COL25A1: variants seen among roughly 807,000 people sequenced by gnomAD.
COL25A1 encodes the protein collagen type XXV alpha 1 chain, also known as collagen alpha-1(XXV) chain.
In COL25A1, 103 loss-of-function variants were observed where a neutral mutation model predicts 128.4. The ratio of observed to expected loss-of-function variants is 0.80; its 90% confidence interval spans 0.68 to 0.94. The LOEUF (loss-of-function observed/expected upper bound fraction) is 0.94, where lower values mean the gene tolerates loss of function less well. COL25A1 is among the 40% of genes least tolerant of loss of function. COL25A1 has a pLI of 0.00. For missense variants in COL25A1, 745 were observed against 840.0 expected (o/e 0.89, Z 1.40); for synonymous variants, 279 against 277.2 (o/e 1.01, Z -0.06).
rs959102743 is a variant in COL25A1, at chr4:108,876,051, G to T, written c.1021-6901C>A. 2.0e-5 allele frequency among the ~76,000 whole-genome samples: 3 copies of T among 152,164 alleles called. No individual in the cohort carries two copies. The East Asian group carries it at 5.8e-4, about 29-fold the overall frequency. On this transcript the variant is annotated intron_variant, in intron 19 of 37. Transcript: ENST00000399132. ...CACAGGGCGGGGAACACCACACACCGGGGCCTGTCAGCGGGTGGAGGGCTG... is the reference window on the plus strand; with the variant it reads ...CACAGGGCGGGGAACACCACACACCTGGGCCTGTCAGCGGGTGGAGGGCTG...
At chr4:109,000,743 C>CAAAAAAAAAAAAAAAAAAAAAAAAAAAA (rs1180104512) in intron 6 of COL25A1, among the ~76,000 whole-genome samples, 1 of 36,428 alleles carries the variant, frequency 2.7e-5, no homozygotes, top group African/African-American at 1.7e-4. Flanking sequence ...GAGACTCTGT[C>CAAAAAAAAAAAAAAAAAAAAAAAAAAAA]AAAAAAAAAA....
chr4:109,049,223 T>C (rs1048711049), intron 4 of COL25A1, among the ~76,000 whole-genome samples: 15 of 152,160 alleles, frequency 9.9e-5, no homozygotes, highest in Admixed American at 8.5e-4. Context: ...TATTGAAAAA[T>C]ACTTAGAGAA....
At chr4:108,969,705 T>A (rs2125983462) in intron 8 of COL25A1, among the ~76,000 whole-genome samples, 1 of 152,242 alleles carries the variant, frequency 6.6e-6, no homozygotes, top group East Asian at 1.9e-4. Flanking sequence ...TTGCCTCCAA[T>A]GATACCTGAT....
At chr4:108,934,281 C>A (rs1000039500) in intron 11 of COL25A1, among the ~76,000 whole-genome samples, 7 of 124,572 alleles carry the variant, frequency 5.6e-5, no homozygotes, top group Non-Finnish European at 7.9e-5. Flanking sequence ...GGGAATTGAA[C>A]AATGAGATCA....
chr4:108,890,420 G>GA (rs1741348852), intron 16 of COL25A1, among the ~76,000 whole-genome samples: 1 of 152,130 alleles, frequency 6.6e-6, no homozygotes, highest in Non-Finnish European at 1.5e-5. Flanking sequence ...TTGAGAATCT[G>GA]TTTTTTTATA....
At chr4:109,139,088 CAT>C (rs894761668) in intron 3 of COL25A1, among the ~76,000 whole-genome samples, 2 of 152,060 alleles carry the variant, frequency 1.3e-5, no homozygotes, top group African/African-American at 2.4e-5. Context: ...AGCTTTTTTT[CAT>C]ATGTCTGTTG....
rs190796837 is a variant in COL25A1 at position 108,954,830 on chromosome 4, A to G, written c.493-13393T>C. Among the ~76,000 whole-genome samples, 71 of 152,198 alleles carry G rather than the reference A, an allele frequency of 4.7e-4. 1 individual carries two copies. Among genetic ancestry groups the G allele is most frequent in the African/African-American group, 1.7e-3 (69 of 41,588 alleles). On this transcript the variant is annotated intron_variant, in intron 8 of 37. Coordinates refer to ENST00000399132, the MANE Select transcript of COL25A1 (RefSeq NM_198721.4). ...TAAAAGAGAAAAAAAGGGAATGACA[A>G]TGCTCTGGGTTTGAAACCATAACTA...
chr4:109,020,727 T>C (rs1315733991), intron 5 of COL25A1, among the ~76,000 whole-genome samples: 1 of 152,196 alleles, frequency 6.6e-6, no homozygotes. Flanking sequence ...GGAACATAAG[T>C]AAAAAATTTT....
intron 8 of COL25A1, among the ~76,000 whole-genome samples, chr4:108,964,947 A>T (rs545481527): frequency 6.6e-6 from 1 of 152,318 alleles, no homozygotes; most frequent in East Asian, 1.9e-4. Flanking sequence ...TTCTCAGGCA[A>T]TACATTCAGT....
chr4:109,152,655 T>C (rs1295287253), intron 3 of COL25A1, among the ~76,000 whole-genome samples: 1 of 152,156 alleles, frequency 6.6e-6, no homozygotes, highest in African/African-American at 2.4e-5. Context: ...CCAAATGTGG[T>C]ATATACGTAC....
intron 25 of COL25A1, 75 bp from the exon 26 acceptor site, chr4:108,852,355 T>A (rs1735887963): frequency 1.9e-6 from 2 of 1,038,882 alleles, no homozygotes; most frequent in Non-Finnish European, 2.8e-6. Flanking sequence ...ATAGGCACAC[T>A]ATACACCTTC....
chr4:108,950,016 G>A (rs1749221625), intron 8 of COL25A1, among the ~76,000 whole-genome samples: 1 of 152,182 alleles, frequency 6.6e-6, no homozygotes, highest in Admixed American at 6.5e-5. Context: ...AAGGCAGGCA[G>A]ACATGAAACA....
intron 11 of COL25A1, among the ~76,000 whole-genome samples, chr4:108,934,455 G>A (rs1230834996): frequency 1.3e-5 from 2 of 151,948 alleles, no homozygotes; most frequent in Admixed American, 1.3e-4. Flanking sequence ...TGCACATTGT[G>A]CACATGTACC....
intron 3 of COL25A1, among the ~76,000 whole-genome samples, chr4:109,116,985 G>T (rs562442045): frequency 4.0e-5 from 6 of 151,486 alleles, no homozygotes; most frequent in Admixed American, 6.6e-5. Context: ...TGACAGAAAA[G>T]GAAAATAAAA....
intron 19 of COL25A1, among the ~76,000 whole-genome samples, chr4:108,878,831 T>G (rs962930922): frequency 2.0e-5 from 3 of 152,230 alleles, no homozygotes; most frequent in Non-Finnish European, 2.9e-5. Context: ...TTTCTGGTTA[T>G]GTGAGTTTCC....
intron 32 of COL25A1, among the ~76,000 whole-genome samples, chr4:108,828,291 C>T (rs747884260): frequency 1.3e-4 from 20 of 152,086 alleles, no homozygotes; most frequent in South Asian, 2.1e-4. Context: ...GTGCCCGCCA[C>T]GCCTGGCCAA....
intron 3 of COL25A1, among the ~76,000 whole-genome samples, chr4:109,280,347 C>A (rs935726568): frequency 6.6e-6 from 1 of 152,180 alleles, no homozygotes; most frequent in African/African-American, 2.4e-5. Flanking sequence ...ATAAAACATT[C>A]TTGCCAAAAA....
At chr4:109,114,058 A>C (rs940137214) in intron 3 of COL25A1, among the ~76,000 whole-genome samples, 23 of 152,088 alleles carry the variant, frequency 1.5e-4, no homozygotes, top group African/African-American at 5.6e-4. Context: ...AAATAAAAAC[A>C]ACCACAATGA....
intron 3 of COL25A1, among the ~76,000 whole-genome samples, chr4:109,253,961 C>T (rs1387734167): frequency 6.6e-6 from 1 of 151,898 alleles, no homozygotes; most frequent in Non-Finnish European, 1.5e-5. Context: ...GTGGCGGGTG[C>T]CTGTAGTCCC....
Sources: allele counts gnomAD v4.1 joint callset (sites outside exome capture counted in the v4.1 genomes callset), GRCh38; gene constraint gnomAD v4.1.1; transcripts MANE v1.5; gene names NCBI Gene and HGNC (gene_info 2026-07-23, HGNC 2026-07-21).